The following GPC5 variants were observed in gnomAD, a reference collection of about 807,000 sequenced individuals.
GPC5 encodes glypican-5.
GPC5 carries 47 observed loss-of-function variants against 53.9 expected under a neutral mutation model. The ratio of observed to expected loss-of-function variants is 0.87; its 90% CI spans 0.69 to 1.11. GPC5 has a LOEUF of 1.11. Ranked by LOEUF, GPC5 falls within the 50% of genes most tolerant of loss-of-function variation. The pLI, the probability that GPC5 is intolerant of heterozygous loss-of-function variation, is 0.00. For missense variants in GPC5, 748 were observed against 713.1 expected, an observed-to-expected ratio of 1.05 and a Z score of -0.56; for synonymous variants, 286 against 263.3, an observed-to-expected ratio of 1.09 and a Z score of -0.84.
rs145112705 is a variant in GPC5 at position 91,749,261 on chromosome 13, T to C, written c.1155-7034T>C. ...GTACCCATTGTTTAGCTCCCACTTA[T>C]AAGTGAGAACATGTGATATTTGACT... On this transcript the variant is annotated intron_variant, in intron 4 of 7. Transcript: ENST00000377067. Among the ~76,000 whole-genome samples, 3 of 152,318 alleles carry C rather than the reference T, an allele frequency of 2.0e-5. No homozygotes were observed. The East Asian group carries it at 5.8e-4, about 29-fold the overall frequency.
At chr13:92,366,713 A>G (rs1044613406) in intron 7 of GPC5, among the ~76,000 whole-genome samples, 8 of 152,244 alleles carry the variant, frequency 5.3e-5, no homozygotes, top group African/African-American at 1.9e-4. Flanking sequence ...ATAGAGGATC[A>G]CTTTCCTTCA....
At chr13:92,631,611 T>G (rs1474775910) in intron 7 of GPC5, among the ~76,000 whole-genome samples, 3 of 152,164 alleles carry the variant, frequency 2.0e-5, no homozygotes. Context: ...ACAGTTACAG[T>G]GTTTTCCATT....
intron 1 of GPC5, among the ~76,000 whole-genome samples, chr13:91,437,539 T>C (rs1416344557): frequency 6.6e-6 from 1 of 152,218 alleles, no homozygotes; most frequent in East Asian, 1.9e-4. Flanking sequence ...GCTTGTAGAG[T>C]TTCTGCCGAG....
chr13:91,439,896 G>C (rs1880293376), intron 1 of GPC5, among the ~76,000 whole-genome samples: 1 of 152,108 alleles, frequency 6.6e-6, no homozygotes, highest in Admixed American at 6.5e-5. Flanking sequence ...AGTTACTCCT[G>C]TCATTGTAAT....
At chr13:92,631,279 T>A (rs1434994461) in intron 7 of GPC5, among the ~76,000 whole-genome samples, 1 of 152,166 alleles carries the variant, frequency 6.6e-6, no homozygotes, top group Non-Finnish European at 1.5e-5. Flanking sequence ...AGCCTGCTTT[T>A]AAATATTTTA....
chr13:92,555,370 G>A (rs1882458914), intron 7 of GPC5, among the ~76,000 whole-genome samples: 1 of 151,474 alleles, frequency 6.6e-6, no homozygotes, highest in Admixed American at 6.6e-5. Flanking sequence ...ATATTTAAAT[G>A]TTAGTCTGAA....
At chr13:92,680,903 C>T (rs1193047251) in intron 7 of GPC5, among the ~76,000 whole-genome samples, 2 of 152,100 alleles carry the variant, frequency 1.3e-5, no homozygotes, top group Non-Finnish European at 2.9e-5. Context: ...TCTTCAGACC[C>T]GTGCATCCAA....
Position 92,471,847 on chromosome 13 carries a change from C to G in GPC5, c.1561+326858C>G, listed in dbSNP as rs541248330. Among the ~76,000 whole-genome samples, 561 of 152,198 alleles carry G rather than the reference C, an allele frequency of 3.7e-3. 5 individuals are homozygous for G. The highest frequency in any genetic ancestry group is 0.013 in the African/African-American group (537 of 41,542). On this transcript the variant is annotated intron_variant, in intron 7 of 7. Coordinates refer to ENST00000377067, the MANE Select transcript of GPC5 (RefSeq NM_004466.6). ...TGCATGCTTGATTCACAATGAGACT[C>G]AAAATGTGGAGCTGGAGGGTGAAAT...
intron 1 of GPC5, among the ~76,000 whole-genome samples, chr13:91,439,985 C>T (rs1002682040): frequency 6.6e-5 from 10 of 152,126 alleles, no homozygotes; most frequent in African/African-American, 2.4e-4. Context: ...TTTTTCTCCC[C>T]TTTGTTTACA....
chr13:91,527,409 G>A (rs9583940), intron 2 of GPC5, among the ~76,000 whole-genome samples: 4 of 152,206 alleles, frequency 2.6e-5, no homozygotes, highest in African/African-American at 4.8e-5. Flanking sequence ...CGTGTCTCAC[G>A]TCCAGGGCAC....
At chr13:92,814,026 G>A (rs1007437890) in intron 7 of GPC5, among the ~76,000 whole-genome samples, 1 of 152,014 alleles carries the variant, frequency 6.6e-6, no homozygotes, top group Non-Finnish European at 1.5e-5. Flanking sequence ...CTGGTATCAA[G>A]ACAGACATGT....
At chr13:92,365,303 T>C (rs1299105445) in intron 7 of GPC5, among the ~76,000 whole-genome samples, 1 of 151,666 alleles carries the variant, frequency 6.6e-6, no homozygotes, top group Non-Finnish European at 1.5e-5. Context: ...TAGTTAAACA[T>C]AGAAAAGGTA....
At chr13:92,289,522 C>A (rs1594072179) in intron 7 of GPC5, among the ~76,000 whole-genome samples, 1 of 152,024 alleles carries the variant, frequency 6.6e-6, no homozygotes, top group South Asian at 2.1e-4. Context: ...CACATGAATT[C>A]TGTGAAAACA....
At chr13:92,746,554 G>C (rs958284248) in intron 7 of GPC5, among the ~76,000 whole-genome samples, 3 of 151,982 alleles carry the variant, frequency 2.0e-5, no homozygotes, top group Admixed American at 1.3e-4. Context: ...TCTGCCTTCT[G>C]TTTGCATAAG....
intron 7 of GPC5, among the ~76,000 whole-genome samples, chr13:92,291,917 A>T (rs1020675484): frequency 2.0e-5 from 3 of 152,164 alleles, no homozygotes; most frequent in African/African-American, 7.2e-5. Context: ...AGGAGGAAGA[A>T]ACTCTGAACA....
At chr13:92,471,379 C>A (rs1878902945) in intron 7 of GPC5, among the ~76,000 whole-genome samples, 2 of 152,118 alleles carry the variant, frequency 1.3e-5, no homozygotes, top group South Asian at 2.1e-4. Flanking sequence ...CAACAGCCTG[C>A]AGATGGATGT....
intron 6 of GPC5, among the ~76,000 whole-genome samples, chr13:92,113,283 C>A (rs2041573002): frequency 6.6e-6 from 1 of 152,026 alleles, no homozygotes; most frequent in African/African-American, 2.4e-5. Flanking sequence ...TGTTATCTAC[C>A]ATCAAGGTTT....
chr13:92,220,284 G>T (rs2042439528), intron 7 of GPC5, among the ~76,000 whole-genome samples: 1 of 152,084 alleles, frequency 6.6e-6, no homozygotes, highest in South Asian at 2.1e-4. Context: ...TGCCCTAAGG[G>T]GTTTACATTT....
chr13:92,226,553 AAC>A (rs2042487789), intron 7 of GPC5, among the ~76,000 whole-genome samples: 1 of 152,174 alleles, frequency 6.6e-6, no homozygotes. Context: ...TAAAATGAAA[AAC>A]ACAATGGGAA....
Sources: allele counts gnomAD v4.1 joint callset (sites outside exome capture counted in the v4.1 genomes callset), GRCh38; gene constraint gnomAD v4.1.1; transcripts MANE v1.5; gene names NCBI Gene and HGNC (gene_info 2026-07-23, HGNC 2026-07-21).